The following PHLPP2 variants were observed in gnomAD, a reference collection of about 807,000 sequenced individuals.
The protein encoded by PHLPP2 is PH domain and leucine rich repeat protein phosphatase 2, also known as PH domain leucine-rich repeat-containing protein phosphatase 2.
A neutral mutation model predicts 124.9 loss-of-function variants in PHLPP2; 66 were observed. The observed-to-expected ratio is 0.53, with a 90% confidence interval of 0.43 to 0.65. The LOEUF is 0.65. Ranked by LOEUF, PHLPP2 falls within the 30% of genes least tolerant of loss-of-function variation. The pLI is 0.00. For synonymous variants in PHLPP2, 681 were observed against 624.7 expected, an observed-to-expected ratio of 1.09 and a Z score of -1.34; for missense variants, 1,685 against 1,600.4, an observed-to-expected ratio of 1.05 and a Z score of -0.90.
intron 3 of PHLPP2, among the ~76,000 whole-genome samples, chr16:71,695,519 G>A (rs905521376): frequency 3.9e-5 from 6 of 152,114 alleles, no homozygotes; most frequent in African/African-American, 1.4e-4. Flanking sequence ...GACCAGCCTG[G>A]CCAACATGGT....
At chr16:71,662,913 T>A (rs980551729) in intron 13 of PHLPP2, among the ~76,000 whole-genome samples, 1 of 152,122 alleles carries the variant, frequency 6.6e-6, no homozygotes, top group African/African-American at 2.4e-5. Context: ...TTGAAAGGTA[T>A]TTACTTATCC....
At chr16:71,708,910 T>C (rs1048551684) in intron 2 of PHLPP2, among the ~76,000 whole-genome samples, 1 of 152,172 alleles carries the variant, frequency 6.6e-6, no homozygotes, top group African/African-American at 2.4e-5. Context: ...TGTGTTATGA[T>C]AGGGCCTGTG....
intron 16 of PHLPP2, among the ~76,000 whole-genome samples, chr16:71,655,943 G>T (rs1402344147): frequency 6.6e-6 from 1 of 152,154 alleles, no homozygotes; most frequent in Non-Finnish European, 1.5e-5. Context: ...TCGCATTCAT[G>T]GGCAGTACAT....
At chr16:71,688,514 G>T (rs986293558) in intron 4 of PHLPP2, among the ~76,000 whole-genome samples, 1 of 150,108 alleles carries the variant, frequency 6.7e-6, no homozygotes, top group African/African-American at 2.5e-5. Context: ...TTTTCAAGAC[G>T]TTTGCTCATT....
At chr16:71,667,414 G>A (rs2044849138) in intron 11 of PHLPP2, 81 bp from the exon 12 acceptor site, 1 of 1,075,192 alleles carries the variant, frequency 9.3e-7, no homozygotes, top group Non-Finnish European at 1.4e-6. Context: ...CTATTTAACT[G>A]AAATTAGTTA....
At chr16:71,710,594 A>G (rs2045317528) in intron 2 of PHLPP2, among the ~76,000 whole-genome samples, 1 of 152,236 alleles carries the variant, frequency 6.6e-6, no homozygotes, top group Non-Finnish European at 1.5e-5. Context: ...GGTGCCAGAC[A>G]TCAATCTAAG....
At chr16:71,704,436 T>C (rs571056949) in intron 2 of PHLPP2, among the ~76,000 whole-genome samples, 2 of 152,182 alleles carry the variant, frequency 1.3e-5, no homozygotes, top group Admixed American at 1.3e-4. Context: ...AAAATGCTGT[T>C]GGCAACAAGC....
intron 15 of PHLPP2, 149 bp downstream of exon 15, chr16:71,658,084 A>G (rs2044756888): frequency 1.6e-6 from 1 of 622,654 alleles, no homozygotes; most frequent in South Asian, 2.9e-5. Flanking sequence ...TCTATTCATA[A>G]CTTAATCAAA....
chr16:71,708,650 G>A (rs1391673553), intron 2 of PHLPP2, among the ~76,000 whole-genome samples: 4 of 152,184 alleles, frequency 2.6e-5, no homozygotes, highest in African/African-American at 9.7e-5. Flanking sequence ...GCTGCGCCTG[G>A]TGTTGCGCGC....
intron 3 of PHLPP2, among the ~76,000 whole-genome samples, chr16:71,691,589 T>C (rs769976377): frequency 6.6e-6 from 1 of 152,122 alleles, no homozygotes; most frequent in African/African-American, 2.4e-5. Context: ...TTGTTACTAA[T>C]CTACCCTAGA....
chr16:71,719,851 G>A (rs2045386533), intron 1 of PHLPP2, among the ~76,000 whole-genome samples: 1 of 151,970 alleles, frequency 6.6e-6, no homozygotes, highest in Non-Finnish European at 1.5e-5. Flanking sequence ...AGGCTGGAGT[G>A]CCGTGGCACG....
chr16:71,714,619 G>A lies in PHLPP2; in HGVS notation c.177C>T (p.Ser59=), dbSNP rs1457518753. The change falls in exon 2 of 19, where the codon TCC becomes TCT. Residue 59 remains serine (S), a synonymous_variant. Coordinates refer to ENST00000568954, the MANE Select transcript of PHLPP2 (RefSeq NM_015020.3). The part of the protein sequence containing the change: ...TSSSSSSSSS[S]SDLHLVLCTV... ...TGCAAAGGACGAGATGTAAGTCAGAGGAAGAGGAGGAGGAGGAAGAGGAAG... is the reference window on the plus strand; with the variant it reads ...TGCAAAGGACGAGATGTAAGTCAGAAGAAGAGGAGGAGGAGGAAGAGGAAG... 2.5e-6 allele frequency: 4 copies of A among 1,613,940 alleles called. No homozygotes were observed. In the African/African-American group the frequency reaches 4.0e-5, roughly 16 times the overall value.
chr16:71,663,445 G>A (rs1002088025), intron 13 of PHLPP2, among the ~76,000 whole-genome samples: 2 of 152,142 alleles, frequency 1.3e-5, no homozygotes, highest in African/African-American at 2.4e-5. Flanking sequence ...CACTGCAACT[G>A]CCCATCCACT....
chr16:71,717,923 G>C (rs995963668), intron 1 of PHLPP2, among the ~76,000 whole-genome samples: 1 of 152,056 alleles, frequency 6.6e-6, no homozygotes, highest in South Asian at 2.1e-4. Flanking sequence ...ACACGATCTC[G>C]CTCTGTCACC....
chr16:71,668,413 C>T (rs1406109648), intron 11 of PHLPP2, among the ~76,000 whole-genome samples: 1 of 70,896 alleles, frequency 1.4e-5, no homozygotes, highest in African/African-American at 5.7e-5. Flanking sequence ...GAGACTCTGT[C>T]TCAAAAAAAA....
Position 71,645,619 on chromosome 16 carries a change from T to G in PHLPP2, c.*3271A>C, listed in dbSNP as rs8048170. 2 of 153,172 alleles carry G rather than the reference T, an allele frequency of 1.3e-5. No homozygotes were observed. Among genetic ancestry groups the G allele is most frequent in the African/African-American group, 4.8e-5 (2 of 41,524 alleles). The allele number at this position is 153,172 out of a possible 1,614,324, so 9.5% of individuals were successfully genotyped here. On this transcript the variant is annotated 3_prime_UTR_variant, in exon 19 of 19. Transcript: ENST00000568954. ...AAGAAGAGCATCATTTGATATTCAG[T>G]AGATCTGCCACACCCAACTGGCTCC...
At chr16:71,681,247 A>G (rs2044994552) in intron 6 of PHLPP2, among the ~76,000 whole-genome samples, 1 of 152,150 alleles carries the variant, frequency 6.6e-6, no homozygotes. Flanking sequence ...ATTTTAATAA[A>G]GGACATGGAA....
intron 12 of PHLPP2, among the ~76,000 whole-genome samples, chr16:71,664,969 T>TA: frequency 6.6e-6 from 1 of 152,324 alleles, no homozygotes. Flanking sequence ...ATACATTTTT[T>TA]AGAGATTTAA....
rs200593630 is a variant in PHLPP2 at position 71,649,068 on chromosome 16, T to C, written c.3794A>G (p.Lys1265Arg). Residue 1265 changes from lysine to arginine, a missense_variant, in exon 19 of 19, where the codon AAA becomes AGA. Physicochemically the swap from Lys to Arg is conservative, Grantham distance 26 (BLOSUM62 2). Transcript: ENST00000568954. ...AGTGGGGGCAGCAAAATAGCCAGTTTTCCTCTTGGGCACTTCTGTGGCCAC... is the reference window on the plus strand; with the variant it reads ...AGTGGGGGCAGCAAAATAGCCAGTTCTCCTCTTGGGCACTTCTGTGGCCAC... ...IEVATEVPKR[K>R]TGYFAAPTQM... 113 of 1,614,040 alleles carry C rather than the reference T, an allele frequency of 7.0e-5. No homozygotes were observed. Among genetic ancestry groups the C allele is most frequent in the Non-Finnish European group, 5.9e-5 (70 of 1,180,026 alleles).
Sources: gnomAD v4.1 joint callset for allele counts (sites outside exome capture counted in the v4.1 genomes callset) on GRCh38, gnomAD v4.1.1 for gene constraint, MANE v1.5 for transcripts, NCBI Gene and HGNC (gene_info 2026-07-23, HGNC 2026-07-21) for gene names.